The following GRIN2A variants were observed in gnomAD, a reference collection of about 807,000 sequenced individuals.
GRIN2A encodes the protein glutamate ionotropic receptor NMDA type subunit 2A, also known as glutamate receptor ionotropic, NMDA 2A.
Under a neutral mutation model 113.4 loss-of-function variants are expected in GRIN2A, and 22 were observed. That is an observed-to-expected ratio of 0.19 (90% CI 0.14 to 0.28). GRIN2A has a LOEUF of 0.28. Ranked by LOEUF, GRIN2A falls within the 10% of genes least tolerant of loss-of-function variation. GRIN2A has a pLI of 1.00. For synonymous variants in GRIN2A, 827 were observed against 738.4 expected (o/e 1.12, Z -1.94); for missense variants, 1,502 against 1,887.0 (o/e 0.80, Z 3.78).
At position 10,174,144 on chromosome 16, in the gene GRIN2A, GA is replaced by G. The variant is rs546863538; in HGVS notation, c.414+5853del. Among the ~76,000 whole-genome samples, 735 of 152,268 alleles carry G rather than the reference GA, an allele frequency of 4.8e-3. 2 individuals are homozygous for G. Among genetic ancestry groups the G allele is most frequent in the Non-Finnish European group, 8.2e-3 (555 of 68,018 alleles). On this transcript the variant is annotated intron_variant, in intron 2 of 12. Coordinates refer to ENST00000330684, the MANE Select transcript of GRIN2A (RefSeq NM_001134407.3). ...ACAGAGGTGTCAATGTCCATCCAGG[GA>G]AAAAGGGGAAGAACTGGACCTAGAA...
chr16:9,939,203 C>A (rs1443262193), intron 2 of GRIN2A, among the ~76,000 whole-genome samples: 2 of 152,080 alleles, frequency 1.3e-5, no homozygotes, highest in African/African-American at 4.8e-5. Context: ...ACAACTTCTA[C>A]AAACTAAGAG....
chr16:10,022,897 A>G (rs987205198), intron 2 of GRIN2A, among the ~76,000 whole-genome samples: 1 of 152,218 alleles, frequency 6.6e-6, no homozygotes, highest in African/African-American at 2.4e-5. Context: ...CGGCACCACT[A>G]GAAAGTACTA....
chr16:9,816,634 A>G (rs2042192184), intron 10 of GRIN2A, among the ~76,000 whole-genome samples: 1 of 152,250 alleles, frequency 6.6e-6, no homozygotes, highest in African/African-American at 2.4e-5. Flanking sequence ...CTTGGAGGAC[A>G]TCAGCTTCTG....
chr16:10,002,853 C>T (rs543614785), intron 2 of GRIN2A, among the ~76,000 whole-genome samples: 4 of 152,228 alleles, frequency 2.6e-5, no homozygotes, highest in African/African-American at 7.2e-5. Flanking sequence ...CATTTGTGAA[C>T]GAGAGTCACC....
chr16:9,856,579 C>T (rs541363554), intron 4 of GRIN2A, among the ~76,000 whole-genome samples: 14 of 148,104 alleles, frequency 9.5e-5, no homozygotes, highest in African/African-American at 2.7e-4. Context: ...GAGCCGAGAT[C>T]GCGCCACTGC....
At chr16:9,857,296 T>C (rs2042985729) in intron 4 of GRIN2A, among the ~76,000 whole-genome samples, 2 of 152,316 alleles carry the variant, frequency 1.3e-5, no homozygotes, top group African/African-American at 2.4e-5. Flanking sequence ...TCATGGGTTT[T>C]AGTTGACAAT....
chr16:10,126,354 G>A (rs1213078267), intron 2 of GRIN2A, among the ~76,000 whole-genome samples: 1 of 147,578 alleles, frequency 6.8e-6, no homozygotes, highest in East Asian at 1.9e-4. Context: ...TTTGTAGAGA[G>A]GGGGGTCTCG....
chr16:9,937,923 T>C (rs145680603), intron 3 of GRIN2A, 36 bp downstream of exon 3: 8 of 1,459,916 alleles, frequency 5.5e-6, no homozygotes, highest in Non-Finnish European at 7.7e-6. Flanking sequence ...AGCAAAACTC[T>C]GATCCCACTT....
chr16:9,995,664 T>C (rs4417547), intron 2 of GRIN2A, among the ~76,000 whole-genome samples: 18,030 of 147,112 alleles, frequency 0.12, 1,206 homozygotes, highest in African/African-American at 0.14. Flanking sequence ...ACACCTCTGA[T>C]CTCCCAGTGT....
chr16:10,122,487 G>A (rs1040301913), intron 2 of GRIN2A, among the ~76,000 whole-genome samples: 6 of 152,150 alleles, frequency 3.9e-5, no homozygotes, highest in Admixed American at 3.9e-4. Context: ...CCTGGAGCAC[G>A]TGATCTTTTT....
At chr16:10,018,059 G>A (rs1339323087) in intron 2 of GRIN2A, among the ~76,000 whole-genome samples, 2 of 152,048 alleles carry the variant, frequency 1.3e-5, no homozygotes, top group Admixed American at 1.3e-4. Context: ...TCCTTGTCCT[G>A]GCCCTGATAC....
At position 9,764,759 on chromosome 16, in the gene GRIN2A, A is replaced by C; in HGVS notation, c.2785T>G (p.Ser929Ala). 1 of 1,614,176 alleles carries C rather than the reference A, an allele frequency of 6.2e-7. No homozygotes were observed. Among genetic ancestry groups the C allele is most frequent in the African/African-American group, 1.3e-5 (1 of 75,066 alleles). The change falls in exon 13 of 13, where the codon TCC (serine) becomes GCC (alanine). Residue 929 changes from serine (S) to alanine (A), a missense_variant. Physicochemically the swap from Ser to Ala is moderately conservative, Grantham distance 99. Coordinates refer to ENST00000330684, the MANE Select transcript of GRIN2A (RefSeq NM_001134407.3). ...TCTGAAACCATGTCCATGATGAGGG[A>C]ACCTCTTTGGATGAAGTCAGCAGCT... ...KRAADFIQRG[S>A]LIMDMVSDKG...
At chr16:10,100,718 CT>C (rs2048377757) in intron 2 of GRIN2A, among the ~76,000 whole-genome samples, 1 of 152,242 alleles carries the variant, frequency 6.6e-6, no homozygotes, top group African/African-American at 2.4e-5. Context: ...TAGTGCCCCC[CT>C]GCTGGATTCA....
chr16:10,096,650 C>T (rs1329732800), intron 2 of GRIN2A, among the ~76,000 whole-genome samples: 1 of 151,932 alleles, frequency 6.6e-6, no homozygotes, highest in Non-Finnish European at 1.5e-5. Flanking sequence ...GGGCAAAGTC[C>T]AGACACAACA....
chr16:9,872,502 T>C (rs1024265435), intron 4 of GRIN2A, among the ~76,000 whole-genome samples: 2 of 152,222 alleles, frequency 1.3e-5, no homozygotes, highest in African/African-American at 4.8e-5. Flanking sequence ...AGATGTCCCA[T>C]CTGTATTTTT....
chr16:10,142,549 C>T (rs1411813023), intron 2 of GRIN2A, among the ~76,000 whole-genome samples: 1 of 152,052 alleles, frequency 6.6e-6, no homozygotes, highest in African/African-American at 2.4e-5. Flanking sequence ...AAAAATTACC[C>T]GGGCATGGTG....
chr16:10,085,846 T>C (rs962974415), intron 2 of GRIN2A, among the ~76,000 whole-genome samples: 1 of 152,214 alleles, frequency 6.6e-6, no homozygotes, highest in African/African-American at 2.4e-5. Context: ...TTTAATTAGT[T>C]GGGGTGGTTT....
chr16:9,918,361 A>G (rs2044293392), intron 3 of GRIN2A, among the ~76,000 whole-genome samples: 5 of 152,216 alleles, frequency 3.3e-5, no homozygotes, highest in Admixed American at 2.6e-4. Context: ...AGACATACAT[A>G]CCTATGATAA....
intron 2 of GRIN2A, among the ~76,000 whole-genome samples, chr16:10,024,220 A>ATGTTTGTT (rs3033410): frequency 5.3e-5 from 8 of 151,776 alleles, no homozygotes; most frequent in East Asian, 1.9e-4. Context: ...AATGGTATGC[A>ATGTTTGTT]TGTTTGTTTG....
Sources: gnomAD v4.1 joint callset for allele counts (sites outside exome capture counted in the v4.1 genomes callset) on GRCh38, gnomAD v4.1.1 for gene constraint, MANE v1.5 for transcripts, NCBI Gene and HGNC (gene_info 2026-07-23, HGNC 2026-07-21) for gene names.